Variants in OXR1 observed in about 807,000 individuals in gnomAD.
The protein encoded by OXR1 is oxidation resistance 1, also known as oxidation resistance protein 1.
OXR1 carries 41 observed loss-of-function variants against 104.6 expected under a neutral mutation model. The observed-to-expected ratio is 0.39, with a 90% CI of 0.31 to 0.51. OXR1 has a LOEUF of 0.51. Among genes scored for constraint, OXR1 ranks in the 20% least tolerant of loss-of-function variants. The pLI is 0.77. For missense variants in OXR1, 955 were observed against 1,031.9 expected (o/e 0.93, Z 1.02); for synonymous variants, 348 against 348.4 (o/e 1.00, Z 0.01).
rs186792839 is a variant in OXR1, at chr8:106,295,194, C to T, written c.-139+24827C>T. Among the ~76,000 whole-genome samples, 187 of 152,254 alleles carry T rather than the reference C, an allele frequency of 1.2e-3. No individual in the cohort carries two copies. The Middle Eastern group carries it at 0.014, about 11-fold the overall frequency. On this transcript the variant is annotated intron_variant, in intron 1 of 16. Transcript: ENST00000517566. ...TTTGGGGTAACTACCAAGGCAAAGC[C>T]TTCATTAGGCTAATGACAGTCCAAG...
chr8:106,746,698 G>A (rs1835423954), intron 16 of OXR1, among the ~76,000 whole-genome samples: 1 of 152,120 alleles, frequency 6.6e-6, no homozygotes, highest in African/African-American at 2.4e-5. Flanking sequence ...GATATAAGTA[G>A]GGTGATTAAA....
intron 3 of OXR1, among the ~76,000 whole-genome samples, chr8:106,618,952 A>G (rs190607173): frequency 6.6e-6 from 1 of 152,148 alleles, no homozygotes; most frequent in African/African-American, 2.4e-5. Context: ...ATCGACCTGT[A>G]CTTTTAAATG....
At chr8:106,464,288 T>G (rs879791027) in intron 2 of OXR1, among the ~76,000 whole-genome samples, 2,892 of 152,152 alleles carry the variant, frequency 0.019, 77 homozygotes, top group South Asian at 0.084. Flanking sequence ...GAGATATTTT[T>G]ATTCTTATTT....
intron 11 of OXR1, among the ~76,000 whole-genome samples, chr8:106,724,701 T>C (rs1326805053): frequency 6.6e-6 from 1 of 152,162 alleles, no homozygotes; most frequent in Non-Finnish European, 1.5e-5. Context: ...TTTAGGTCTC[T>C]AATGACTAGT....
At chr8:106,526,590 T>G (rs989273177) in intron 3 of OXR1, among the ~76,000 whole-genome samples, 1 of 152,252 alleles carries the variant, frequency 6.6e-6, no homozygotes, top group Non-Finnish European at 1.5e-5. Context: ...TCGCCCAGGC[T>G]GGAGTGCAGT....
At chr8:106,651,374 G>T (rs1824557264) in intron 3 of OXR1, among the ~76,000 whole-genome samples, 1 of 152,116 alleles carries the variant, frequency 6.6e-6, no homozygotes, top group Non-Finnish European at 1.5e-5. Flanking sequence ...TTTTCTTCTA[G>T]GAATTTAATA....
At chr8:106,457,679 T>C (rs150877196) in intron 2 of OXR1, among the ~76,000 whole-genome samples, 6 of 152,238 alleles carry the variant, frequency 3.9e-5, no homozygotes, top group Non-Finnish European at 5.9e-5. Context: ...TTAGGGATTA[T>C]TTAAGTGGTT....
intron 7 of OXR1, among the ~76,000 whole-genome samples, chr8:106,698,945 G>A (rs946999152): frequency 1.1e-4 from 16 of 151,900 alleles, no homozygotes; most frequent in African/African-American, 3.6e-4. Flanking sequence ...TTATGTAATT[G>A]GATACTGAAT....
intron 1 of OXR1, among the ~76,000 whole-genome samples, chr8:106,319,075 G>A (rs974278987): frequency 6.6e-6 from 1 of 152,100 alleles, no homozygotes; most frequent in South Asian, 2.1e-4. Context: ...CCAAACTGTG[G>A]ACATCATAAA....
At chr8:106,662,201 A>G (rs936443626) in intron 3 of OXR1, among the ~76,000 whole-genome samples, 2 of 152,182 alleles carry the variant, frequency 1.3e-5, no homozygotes, top group Non-Finnish European at 2.9e-5. Flanking sequence ...TTGTTGTACT[A>G]GGCACCTAAA....
chr8:106,448,001 TTGCC>T (rs1253076607), intron 2 of OXR1: 2 of 1,528,708 alleles, frequency 1.3e-6, no homozygotes. Context: ...AGCTATAAGG[TTGCC>T]TGCCTGCCTG....
chr8:106,745,781 T>G lies in OXR1; in HGVS notation c.2413-8T>G. ...TATATATTTAAAGCTTTTTTTAAAT[T>G]TATATAGGTCTTTAAGTGGACAGGA... On this transcript the variant is annotated splice_region_variant and splice_polypyrimidine_tract_variant and intron_variant, in intron 15 of 16. Coordinates refer to ENST00000517566, the MANE Select transcript of OXR1 (RefSeq NM_001198533.2). 7.1e-7 allele frequency: 1 copy of G among 1,407,680 alleles called. No individual in the cohort carries two copies. The highest frequency in any genetic ancestry group is 9.9e-7 in the Non-Finnish European group (1 of 1,006,288). The allele number at this position is 1,407,680 out of a possible 1,614,324, so 87.2% of individuals were successfully genotyped here. A position where few individuals can be genotyped will look rare whatever the true frequency, so the allele number is the denominator to read the frequency against.
At chr8:106,447,976 C>T in intron 2 of OXR1, 5 of 1,534,872 alleles carry the variant, frequency 3.3e-6, no homozygotes, top group East Asian at 2.4e-5. Flanking sequence ...ATCAGATCCG[C>T]CCCGGCTCCC....
intron 3 of OXR1, among the ~76,000 whole-genome samples, chr8:106,537,814 T>C (rs1405149098): frequency 6.6e-6 from 1 of 151,932 alleles, no homozygotes; most frequent in Non-Finnish European, 1.5e-5. Context: ...GGGGGGAATA[T>C]ACTCTCCATC....
intron 11 of OXR1, among the ~76,000 whole-genome samples, chr8:106,736,516 A>G (rs1834390129): frequency 6.6e-6 from 1 of 152,166 alleles, no homozygotes; most frequent in Non-Finnish European, 1.5e-5. Flanking sequence ...TTGATTGATT[A>G]CAAGAGGAAC....
chr8:106,658,004 G>A, intron 3 of OXR1: 1 of 1,248,448 alleles, frequency 8.0e-7, no homozygotes, highest in Non-Finnish European at 1.0e-6. Context: ...ACCTGACGAC[G>A]TTCACCGAGA....
chr8:106,595,354 A>C (rs1217359317), intron 3 of OXR1, among the ~76,000 whole-genome samples: 1 of 152,098 alleles, frequency 6.6e-6, no homozygotes, highest in Admixed American at 6.5e-5. Flanking sequence ...GTTCGAGACA[A>C]GCCTGGCCAA....
chr8:106,501,688 T>C (rs981392986), intron 2 of OXR1, among the ~76,000 whole-genome samples: 1 of 152,142 alleles, frequency 6.6e-6, no homozygotes, highest in Non-Finnish European at 1.5e-5. Context: ...ATCCTTTCCA[T>C]GTAAATAGTT....
intron 2 of OXR1, among the ~76,000 whole-genome samples, chr8:106,480,660 C>T (rs1185165805): frequency 6.6e-6 from 1 of 151,838 alleles, no homozygotes; most frequent in African/African-American, 2.4e-5. Context: ...TGTAGCATAG[C>T]AAAATGTGCT....
Sources: allele counts gnomAD v4.1 joint callset (sites outside exome capture counted in the v4.1 genomes callset), GRCh38; gene constraint gnomAD v4.1.1; transcripts MANE v1.5; gene names NCBI Gene and HGNC (gene_info 2026-07-23, HGNC 2026-07-21).